Variants in RANBP1 observed in about 807,000 individuals in gnomAD.
The protein encoded by RANBP1 is ran-specific GTPase-activating protein.
Under a neutral mutation model 31.4 loss-of-function variants are expected in RANBP1, and 16 were observed. The observed-to-expected ratio is 0.51, with a 90% CI of 0.34 to 0.77. The LOEUF (loss-of-function observed/expected upper bound fraction) is 0.77, where lower values mean the gene tolerates loss of function less well. RANBP1 is among the 30% of genes least tolerant of loss of function. The pLI, the probability that RANBP1 is intolerant of heterozygous loss-of-function variation, is 0.01. For missense variants in RANBP1, 265 were observed against 362.0 expected (o/e 0.73, Z 2.17); for synonymous variants, 129 against 140.5 (o/e 0.92, Z 0.58).
intron 3 of RANBP1, 50 bp from the exon 4 acceptor site, chr22:20,125,258 G>A (rs1452403310): frequency 1.2e-6 from 2 of 1,607,982 alleles, no homozygotes; most frequent in South Asian, 1.1e-5. Context: ...GGCTGGGTGG[G>A]CTGGCCTTTG....
At chr22:20,117,507 T>C in intron 1 of RANBP1, 1 of 1,207,976 alleles carries the variant, frequency 8.3e-7, no homozygotes, top group Non-Finnish European at 1.0e-6. Context: ...GGGTCGAGGT[T>C]CGGGTCGTGG....
intron 3 of RANBP1, chr22:20,124,454 C>CCCAG (rs1218366767): frequency 2.0e-5 from 3 of 152,442 alleles, no homozygotes; most frequent in Admixed American, 2.0e-4. Flanking sequence ...GAGACCCCCC[C>CCCAG]CCAGCTCCCA....
At chr22:20,120,106 T>G (rs2050142390) in intron 2 of RANBP1, among the ~76,000 whole-genome samples, 1 of 152,206 alleles carries the variant, frequency 6.6e-6, no homozygotes, top group African/African-American at 2.4e-5. Flanking sequence ...CCCCCCATCC[T>G]TGAAGTTGCT....
At position 20,119,110 on chromosome 22, in the gene RANBP1, T is replaced by G; in HGVS notation, c.344T>G (p.Ile115Ser). The G allele has an allele frequency of 6.2e-7, 1 of 1,612,820 alleles. No individual in the cohort carries two copies. Among genetic ancestry groups the G allele is most frequent in the Non-Finnish European group, 8.5e-7 (1 of 1,179,070 alleles). Residue 115 changes from isoleucine (I) to serine (S), a missense_variant, in exon 2 of 6, where the codon ATT becomes AGT. Coordinates refer to ENST00000430524, the MANE Select transcript of RANBP1 (RefSeq NM_001278639.2). ...ATAGTTTCTCTTCCTGAGCAAGAAA[T>G]TAAAACACTGGAAGAAGATGAAGAG... Reference protein sequence around the residue: ...EPIVSLPEQEIKTLEEDEEEL... With the variant: ...EPIVSLPEQESKTLEEDEEEL...
intron 1 of RANBP1, chr22:20,117,545 G>A (rs1005305459): frequency 1.7e-5 from 23 of 1,391,720 alleles, no homozygotes; most frequent in African/African-American, 3.1e-5. Flanking sequence ...GCGGGCGGGA[G>A]GCGCCGGCGC....
intron 3 of RANBP1, 78 bp downstream of exon 3, chr22:20,122,499 G>A (rs1489861161): frequency 6.2e-7 from 1 of 1,604,758 alleles, no homozygotes; most frequent in Non-Finnish European, 8.5e-7. Flanking sequence ...GGGCTGATTG[G>A]GAACTGGGGA....
At position 20,118,603 on chromosome 22, in the gene RANBP1, C is replaced by T. The variant is rs577749689; in HGVS notation, c.247-410C>T. Reference sequence around the variant, plus strand: ...TAATATTTCAAAATCTATTTCGACCCATCATTGTGTCCTTTGATCTTCACA... The same window carrying T: ...TAATATTTCAAAATCTATTTCGACCTATCATTGTGTCCTTTGATCTTCACA... On this transcript the variant is annotated intron_variant, in intron 1 of 5. Transcript: ENST00000430524. Among the ~76,000 whole-genome samples, 6 of 152,352 alleles carry T rather than the reference C, an allele frequency of 3.9e-5. No homozygotes were observed. The East Asian group carries it at 1.2e-3, about 29-fold the overall frequency.
intron 1 of RANBP1, chr22:20,117,528 A>AGAGC: frequency 1.7e-6 from 2 of 1,146,910 alleles, no homozygotes; most frequent in Non-Finnish European, 1.1e-6. Flanking sequence ...GGCGGAGGGA[A>AGAGC]GAGCGGGCGG....
chr22:20,118,288 C>T, intron 1 of RANBP1: 6 of 1,002,424 alleles, frequency 6.0e-6, no homozygotes, highest in Non-Finnish European at 7.2e-6. Context: ...AGTCTTGGGT[C>T]TCTTACGGAC....
intron 1 of RANBP1, 78 bp downstream of exon 1, chr22:20,116,508 C>G (rs1296341550): frequency 6.2e-7 from 1 of 1,612,346 alleles, no homozygotes; most frequent in Non-Finnish European, 8.5e-7. Flanking sequence ...CGCCCTCTTT[C>G]TCCACCTCCT....
At position 20,116,568 on chromosome 22, in the gene RANBP1, G is replaced by A. The variant is rs757744530; in HGVS notation, c.246+138G>A. 8 of 1,577,496 alleles carry A rather than the reference G, an allele frequency of 5.1e-6. No individual in the cohort carries two copies. The African/African-American group carries it at 9.5e-5, about 19-fold the overall frequency. Reference sequence around the variant, plus strand: ...GCACCGAGACGGTAGGGCAGCTCAGGGCACTGCTGCTCTCCTGGCCACAGC... The same window carrying A: ...GCACCGAGACGGTAGGGCAGCTCAGAGCACTGCTGCTCTCCTGGCCACAGC... On this transcript the variant is annotated intron_variant, in intron 1 of 5. Coordinates refer to ENST00000430524, the MANE Select transcript of RANBP1 (RefSeq NM_001278639.2).
intron 4 of RANBP1, among the ~76,000 whole-genome samples, chr22:20,126,100 C>T (rs1405311373): frequency 1.3e-5 from 2 of 152,234 alleles, no homozygotes; most frequent in East Asian, 1.9e-4. Context: ...CCTGAGGGTC[C>T]GTGCTCTACC....
At chr22:20,120,862 T>C (rs572925013) in intron 2 of RANBP1, among the ~76,000 whole-genome samples, 10 of 152,238 alleles carry the variant, frequency 6.6e-5, no homozygotes, top group African/African-American at 2.4e-4. Flanking sequence ...CTGGAGTTTT[T>C]TGGGCTGCTG....
chr22:20,118,088 A>C (rs921958601), intron 1 of RANBP1: 1 of 999,324 alleles, frequency 1.0e-6, no homozygotes, highest in African/African-American at 1.7e-5. Flanking sequence ...TGGAACCGCC[A>C]CTGGCCTCTG....
At chr22:20,126,462 A>G in intron 5 of RANBP1, 94 bp downstream of exon 5, 1 of 1,607,006 alleles carries the variant, frequency 6.2e-7, no homozygotes. Flanking sequence ...CTGCCAGATA[A>G]ACATTCCAGG....
At chr22:20,126,247 G>T (rs2050294400) in intron 4 of RANBP1, 56 bp from the exon 5 acceptor site, 38 of 1,574,992 alleles carry the variant, frequency 2.4e-5, no homozygotes, top group Admixed American at 6.9e-5. Flanking sequence ...ACCCGGCAGG[G>T]CATGTCTCTT....
Position 20,125,445 on chromosome 22 carries a change from A to G in RANBP1, c.670+9A>G. ...CTTCCTGAATGCTGAGAGTGAGCCA[A>G]GGGCCCTGGGGACCTGCCTGACTTG... On this transcript the variant is annotated intron_variant, in intron 4 of 5. Coordinates refer to ENST00000430524, the MANE Select transcript of RANBP1 (RefSeq NM_001278639.2). The G allele has an allele frequency of 6.3e-7, 1 of 1,598,156 alleles. No individual in the cohort carries two copies. The highest frequency in any genetic ancestry group is 8.5e-7 in the Non-Finnish European group (1 of 1,172,462).
chr22:20,119,062 A>C lies in RANBP1; in HGVS notation c.296A>C (p.Asn99Thr). 1 of 1,613,088 alleles carries C rather than the reference A, an allele frequency of 6.2e-7. No individual in the cohort carries two copies. Among genetic ancestry groups the C allele is most frequent in the Non-Finnish European group, 8.5e-7 (1 of 1,179,332 alleles). Reference sequence around the variant, plus strand: ...TCCACTGAGAATACAGACGAGTCCAACCATGACCCTCAGTTTGAGCCAATA... The same window carrying C: ...TCCACTGAGAATACAGACGAGTCCACCCATGACCCTCAGTTTGAGCCAATA... ...DTSTENTDESNHDPQFEPIVS... is the reference protein window; with the variant it reads ...DTSTENTDESTHDPQFEPIVS... The change falls in exon 2 of 6, where the codon AAC (asparagine) becomes ACC (threonine). Residue 99 changes from asparagine to threonine, a missense_variant. Transcript: ENST00000430524.
At chr22:20,126,837 C>T (rs1358895010) in intron 5 of RANBP1, 115 bp from the exon 6 acceptor site, 22 of 1,412,904 alleles carry the variant, frequency 1.6e-5, no homozygotes, top group African/African-American at 2.9e-5. Context: ...GAGTCTGTCC[C>T]GAGGGCGGGC....
Sources: gnomAD v4.1 joint callset for allele counts (sites outside exome capture counted in the v4.1 genomes callset) on GRCh38, gnomAD v4.1.1 for gene constraint, MANE v1.5 for transcripts, NCBI Gene and HGNC (gene_info 2026-07-23, HGNC 2026-07-21) for gene names.